The following SHROOM3 variants were observed in gnomAD, a reference collection of about 807,000 sequenced individuals.
SHROOM3 encodes the protein shroom family member 3, also known as protein Shroom3.
SHROOM3 carries 47 observed loss-of-function variants against 138.6 expected under a neutral mutation model. The observed-to-expected ratio is 0.34, with a 90% CI of 0.27 to 0.43. SHROOM3 has a LOEUF of 0.43. SHROOM3 is among the 20% of genes least tolerant of loss of function. The pLI is 1.00. For synonymous variants in SHROOM3, 1,062 were observed against 1,063.3 expected, an observed-to-expected ratio of 1.00 and a Z score of 0.02; for missense variants, 2,491 against 2,596.5, an observed-to-expected ratio of 0.96 and a Z score of 0.88.
chr4:76,591,393 G>T (rs1400133938), intron 2 of SHROOM3, among the ~76,000 whole-genome samples: 1 of 152,072 alleles, frequency 6.6e-6, no homozygotes, highest in Non-Finnish European at 1.5e-5. Flanking sequence ...CACAACCCTG[G>T]GAAAACATTT....
Position 76,780,811 on chromosome 4 carries a change from A to T in SHROOM3, c.*1634A>T, listed in dbSNP as rs915536218. 4 of 152,234 alleles carry T rather than the reference A, an allele frequency of 2.6e-5. No homozygotes were observed. The highest frequency in any genetic ancestry group is 9.6e-5 in the African/African-American group (4 of 41,458). 9.4% of individuals were successfully genotyped at this position (152,234 alleles called of 1,614,324 possible). On this transcript the variant is annotated 3_prime_UTR_variant, in exon 11 of 11. Coordinates refer to ENST00000296043, the MANE Select transcript of SHROOM3 (RefSeq NM_020859.4). ...ACCTTGGTTTCCCAGGGATGTTTTC[A>T]TTCAGAGGTCCTGTCTCCCAGGAAA... is the stretch of plus-strand genomic sequence containing the variant.
chr4:76,710,708 C>T (rs1327501461), intron 3 of SHROOM3, among the ~76,000 whole-genome samples: 4 of 152,112 alleles, frequency 2.6e-5, no homozygotes, highest in Non-Finnish European at 5.9e-5. Context: ...TTTAAAATTT[C>T]TCGGAGGAAT....
rs372952949 is a variant in SHROOM3 at position 76,741,518 on chromosome 4, C to T, written c.3345C>T (p.Arg1115=). Residue 1115 remains arginine (R), a synonymous_variant, in exon 5 of 11, where the codon CGC becomes CGT. Coordinates refer to ENST00000296043, the MANE Select transcript of SHROOM3 (RefSeq NM_020859.4). The surrounding 1 kb of genome is among the most constrained non-coding windows in gnomAD (Gnocchi z 6.2). ...SLQEPGPLRE[R]AQSAYLQPGP... is the part of the protein sequence containing the mutation. ...AGGAGCCCGGGCCACTGCGTGAGCG[C>T]GCCCAGAGTGCCTACCTCCAGCCCG... The T allele has an allele frequency of 1.3e-4, 197 of 1,553,634 alleles. No individual in the cohort carries two copies. The African/African-American group carries it at 2.3e-3, about 18-fold the overall frequency.
intron 1 of SHROOM3, among the ~76,000 whole-genome samples, chr4:76,554,747 G>A (rs780481310): frequency 9.2e-5 from 14 of 151,982 alleles, no homozygotes; most frequent in Non-Finnish European, 1.9e-4. Context: ...AATGTAACCC[G>A]TCCCCAACCC....
At chr4:76,526,714 T>C (rs988812448) in intron 1 of SHROOM3, among the ~76,000 whole-genome samples, 2 of 152,218 alleles carry the variant, frequency 1.3e-5, no homozygotes, top group African/African-American at 4.8e-5. Context: ...ATAAGTGTCC[T>C]GTCCACTGGC....
chr4:76,772,574 G>T (rs1014683998), intron 10 of SHROOM3, among the ~76,000 whole-genome samples: 1 of 152,172 alleles, frequency 6.6e-6, no homozygotes, highest in Admixed American at 6.5e-5. Context: ...ACTCTGCAGC[G>T]CCACTCTCAG....
At chr4:76,608,723 CAGCACAGCATAGCATAGCAT>C (rs1560563498) in intron 2 of SHROOM3, among the ~76,000 whole-genome samples, 15 of 62,146 alleles carry the variant, frequency 2.4e-4, no homozygotes, top group African/African-American at 7.4e-4. Context: ...CAGCACAGCA[CAGCACAGCATAGCATAGCAT>C]AGCACAGTGT....
intron 3 of SHROOM3, among the ~76,000 whole-genome samples, chr4:76,715,000 A>G (rs1431585959): frequency 6.6e-6 from 1 of 152,216 alleles, no homozygotes; most frequent in Non-Finnish European, 1.5e-5. Flanking sequence ...GTCCTTACAC[A>G]AAAGACTGCA....
Position 76,756,501 on chromosome 4 carries a change from G to A in SHROOM3, c.4762G>A (p.Ala1588Thr). 1 of 1,613,478 alleles carries A rather than the reference G, an allele frequency of 6.2e-7. No homozygotes were observed. ...TIARERHMPG[A>T]AHVVGSQTLA... ...TGCAAGGGAAAGGCACATGCCTGGT[G>A]CAGCCCATGTGGTAGGTAGTCAGAC... Residue 1588 changes from alanine (A) to threonine (T), a missense_variant, in exon 8 of 11, where the codon GCA (alanine) becomes ACA (threonine). By Grantham distance (58) the Ala-to-Thr change is moderately conservative. This residue lies in a region of SHROOM3 where 470 missense variants were observed against 595.0 expected (regional missense o/e 0.79). Transcript: ENST00000296043.
intron 1 of SHROOM3, among the ~76,000 whole-genome samples, chr4:76,467,763 G>C (rs550222401): frequency 3.2e-4 from 48 of 152,238 alleles, no homozygotes; most frequent in African/African-American, 1.1e-3. Context: ...CACAAACCCG[G>C]GTATAACTTC....
rs144763843 is a variant in SHROOM3 at position 76,534,570 on chromosome 4, C to T, written c.169-21039C>T. ...TCTGATTGAATTGAATTTAGACGTA[C>T]GTGAAGAAATAATAAGTTACCAGAA... is the stretch of plus-strand genomic sequence containing the variant. On this transcript the variant is annotated intron_variant, in intron 1 of 10. Coordinates refer to ENST00000296043, the MANE Select transcript of SHROOM3 (RefSeq NM_020859.4). Among the ~76,000 whole-genome samples, 440 of 152,150 alleles carry T rather than the reference C, an allele frequency of 2.9e-3. 2 individuals are homozygous for T. The highest frequency in any genetic ancestry group is 5.4e-3 in the Non-Finnish European group (366 of 68,008).
intron 2 of SHROOM3, among the ~76,000 whole-genome samples, chr4:76,599,352 A>G (rs1196377702): frequency 6.6e-6 from 1 of 152,134 alleles, no homozygotes; most frequent in Non-Finnish European, 1.5e-5. Context: ...AAACTGTAGG[A>G]TCTTTTGCGT....
rs147944764 is a variant in SHROOM3, at chr4:76,681,131, C to T, written c.324-29025C>T. 2.0e-3 allele frequency among the ~76,000 whole-genome samples: 308 copies of T among 152,338 alleles called. 2 individuals carry two copies. The highest frequency in any genetic ancestry group is 6.9e-3 in the African/African-American group (288 of 41,576). The stretch of plus-strand genomic sequence containing the variant: ...CCACCTGCCCATGCCCTAGTGATGT[C>T]ACTTGCAGTTCCACAACTGGCCTGT... On this transcript the variant is annotated intron_variant, in intron 2 of 10. Transcript: ENST00000296043.
intron 2 of SHROOM3, among the ~76,000 whole-genome samples, chr4:76,681,594 G>GGGGTGTGTGTGTGTGTGTGT (rs1553936165): frequency 2.0e-4 from 16 of 81,066 alleles, no homozygotes; most frequent in African/African-American, 6.8e-4. Flanking sequence ...CAGAGTCTAG[G>GGGGTGTGTGTGTGTGTGTGT]GTGTGTGTGT....
chr4:76,458,649 T>C (rs1377994594), intron 1 of SHROOM3, among the ~76,000 whole-genome samples: 1 of 152,318 alleles, frequency 6.6e-6, no homozygotes, highest in Non-Finnish European at 1.5e-5. Context: ...ACTACACATA[T>C]ACTTTTAAGA....
Position 76,684,116 on chromosome 4 carries a change from A to C in SHROOM3, c.324-26040A>C, listed in dbSNP as rs140466881. Among the ~76,000 whole-genome samples, 65 of 152,350 alleles carry C rather than the reference A, an allele frequency of 4.3e-4. No individual in the cohort carries two copies. In the South Asian group the frequency reaches 5.8e-3, roughly 14 times the overall value. On this transcript the variant is annotated intron_variant, in intron 2 of 10. Coordinates refer to ENST00000296043, the MANE Select transcript of SHROOM3 (RefSeq NM_020859.4). ...CCTTCTTTCACTTTAAATGCTGCAT[A>C]ATATCCTTTGCAATTAATTTAACTA... is the stretch of plus-strand genomic sequence containing the variant.
chr4:76,454,099 A>G (rs1730979790), intron 1 of SHROOM3, among the ~76,000 whole-genome samples: 1 of 152,144 alleles, frequency 6.6e-6, no homozygotes, highest in South Asian at 2.1e-4. Flanking sequence ...GCTGGAGTGC[A>G]GTGGCACCGT....
intron 2 of SHROOM3, among the ~76,000 whole-genome samples, chr4:76,609,394 T>C (rs1243576840): frequency 1.3e-5 from 2 of 152,204 alleles, no homozygotes; most frequent in African/African-American, 4.8e-5. Flanking sequence ...GCAATCCTCT[T>C]GCTTCAGCCT....
chr4:76,657,227 AT>A (rs1736085298), intron 2 of SHROOM3, among the ~76,000 whole-genome samples: 2 of 151,774 alleles, frequency 1.3e-5, no homozygotes, highest in South Asian at 4.2e-4. Context: ...ACACATATTC[AT>A]TTGATCATTA....
Sources: gnomAD v4.1 joint callset for allele counts (sites outside exome capture counted in the v4.1 genomes callset) on GRCh38, gnomAD v4.1.1 for gene constraint, gnomAD v4.1.1 regional missense constraint, Gnocchi (gnomAD v3.1) non-coding constraint, MANE v1.5 for transcripts, NCBI Gene and HGNC (gene_info 2026-07-23, HGNC 2026-07-21) for gene names.